Variants in HTR1D observed in about 807,000 individuals in gnomAD.
The protein encoded by HTR1D is 5-HT-1D.
Under a neutral mutation model 21.1 loss-of-function variants are expected in HTR1D, and 18 were observed. The observed-to-expected ratio is 0.85, with a 90% CI of 0.59 to 1.27. The LOEUF (loss-of-function observed/expected upper bound fraction) is 1.27, where lower values mean the gene tolerates loss of function less well. Among genes scored for constraint, HTR1D ranks in the 50% most tolerant of loss-of-function variants. The pLI is 0.00. For synonymous variants in HTR1D, 196 were observed against 204.4 expected (o/e 0.96, Z 0.35); for missense variants, 456 against 481.4 (o/e 0.95, Z 0.49).
At chr1:23,216,948 C>A (rs1004968731) in intron 1 of HTR1D, among the ~76,000 whole-genome samples, 9 of 152,072 alleles carry the variant, frequency 5.9e-5, no homozygotes, top group African/African-American at 2.2e-4. Context: ...GCGCCCGGGG[C>A]CCCTCGGGGG....
chr1:23,216,871 AG>A (rs1644775389), intron 1 of HTR1D, among the ~76,000 whole-genome samples: 1 of 152,042 alleles, frequency 6.6e-6, no homozygotes, highest in African/African-American at 2.4e-5. Flanking sequence ...CTCTCCAGAG[AG>A]GGGAGGCCCC....
rs571832755 is a variant in HTR1D at position 23,204,190 on chromosome 1, A to G, written c.-782-9189T>C. Among the ~76,000 whole-genome samples, 14 of 152,014 alleles carry G rather than the reference A, an allele frequency of 9.2e-5. No individual in the cohort carries two copies. In the South Asian group the frequency reaches 2.9e-3, roughly 32 times the overall value. On this transcript the variant is annotated intron_variant, in intron 1 of 1. Coordinates refer to ENST00000374619, the MANE Select transcript of HTR1D (RefSeq NM_000864.5). The stretch of plus-strand genomic sequence containing the variant: ...ACCCAGGCTGGAGTGCAGTGGCACA[A>G]TCTCGGCTCACTGCAAGCTCCGCCT...
intron 1 of HTR1D, among the ~76,000 whole-genome samples, chr1:23,216,321 A>T (rs1198584473): frequency 2.0e-5 from 3 of 152,248 alleles, no homozygotes; most frequent in Admixed American, 1.3e-4. Flanking sequence ...GGCTGTGCTG[A>T]GTGACAATCC....
rs1259807891 is a variant in HTR1D, at chr1:23,193,005, A to G, written c.*81T>C. 5.8e-6 allele frequency: 5 copies of G among 859,304 alleles called. No homozygotes were observed. The highest frequency in any genetic ancestry group is 8.5e-6 in the Non-Finnish European group (5 of 587,860). 53.2% of individuals were successfully genotyped at this position (859,304 alleles called of 1,614,324 possible). On this transcript the variant is annotated 3_prime_UTR_variant, in exon 2 of 2. Coordinates refer to ENST00000374619, the MANE Select transcript of HTR1D (RefSeq NM_000864.5). Reference sequence around the variant, plus strand: ...GATACCATGAATTAATCCAAGTCTCAGAAAATAATTAAAAAAAAAAAAGAC... The same window carrying G: ...GATACCATGAATTAATCCAAGTCTCGGAAAATAATTAAAAAAAAAAAAGAC...
chr1:23,210,549 C>G (rs1017538274), intron 1 of HTR1D, among the ~76,000 whole-genome samples: 2 of 152,056 alleles, frequency 1.3e-5, no homozygotes, highest in Non-Finnish European at 2.9e-5. Flanking sequence ...GAATTGGGCT[C>G]AGAGAGGGCA....
At chr1:23,198,288 C>T (rs1644697266) in intron 1 of HTR1D, among the ~76,000 whole-genome samples, 1 of 147,984 alleles carries the variant, frequency 6.8e-6, no homozygotes, top group South Asian at 2.1e-4. Context: ...ATGGCGTGAA[C>T]CCAGGAGGCG....
intron 1 of HTR1D, among the ~76,000 whole-genome samples, chr1:23,198,520 C>T (rs2148239358): frequency 6.6e-6 from 1 of 152,288 alleles, no homozygotes; most frequent in Admixed American, 6.5e-5. Context: ...GCTGGGTATG[C>T]ATGGCAGAGA....
intron 1 of HTR1D, among the ~76,000 whole-genome samples, chr1:23,203,791 T>C (rs930565532): frequency 9.2e-5 from 14 of 152,192 alleles, no homozygotes; most frequent in African/African-American, 3.1e-4. Flanking sequence ...CATGCAAGAA[T>C]TGTTCACAGC....
rs115291055 is a variant in HTR1D, at chr1:23,203,826, T to C, written c.-782-8825A>G. Among the ~76,000 whole-genome samples, 584 of 152,106 alleles carry C rather than the reference T, an allele frequency of 3.8e-3. 7 individuals carry two copies. The highest frequency in any genetic ancestry group is 0.013 in the African/African-American group (543 of 41,492). On this transcript the variant is annotated intron_variant, in intron 1 of 1. Transcript: ENST00000374619. Reference sequence around the variant, plus strand: ...CAGCACTATTCATAACAACCCCAAATTGCAAACTACCTAAACAAACATCTA... The same window carrying C: ...CAGCACTATTCATAACAACCCCAAACTGCAAACTACCTAAACAAACATCTA...
At chr1:23,210,870 T>C (rs1025044104) in intron 1 of HTR1D, among the ~76,000 whole-genome samples, 2 of 152,098 alleles carry the variant, frequency 1.3e-5, no homozygotes, top group African/African-American at 2.4e-5. Flanking sequence ...CTCCCCCAGA[T>C]GCTGCACACC....
In HTR1D at chr1:23,194,279, T is replaced by C; in HGVS notation, c.-60A>G. 6.7e-7 allele frequency: 1 copy of C among 1,493,316 alleles called. No homozygotes were observed. The highest frequency in any genetic ancestry group is 1.3e-5 in the South Asian group (1 of 78,270). 92.5% of individuals were successfully genotyped at this position (1,493,316 alleles called of 1,614,324 possible). On this transcript the variant is annotated 5_prime_UTR_variant, in exon 2 of 2. Coordinates refer to ENST00000374619, the MANE Select transcript of HTR1D (RefSeq NM_000864.5). ...CATTTGGCTCCTTCCTTCAAGGTTG[T>C]CCTGACAACAGAGCAAAGTCATCCT... is the stretch of plus-strand genomic sequence containing the variant.
At chr1:23,197,800 G>A (rs956123568) in intron 1 of HTR1D, among the ~76,000 whole-genome samples, 17 of 152,090 alleles carry the variant, frequency 1.1e-4, no homozygotes, top group Admixed American at 1.3e-4. Flanking sequence ...ACTTTGGGAG[G>A]CCCAGGTGGG....
intron 1 of HTR1D, among the ~76,000 whole-genome samples, chr1:23,214,356 G>T (rs527740530): frequency 2.6e-5 from 4 of 152,248 alleles, no homozygotes; most frequent in African/African-American, 9.6e-5. Context: ...GAGCCCAAAA[G>T]GTGGAAGTTG....
chr1:23,204,288 G>A (rs190758377), intron 1 of HTR1D, among the ~76,000 whole-genome samples: 12 of 152,236 alleles, frequency 7.9e-5, no homozygotes, highest in African/African-American at 2.6e-4. Flanking sequence ...ACCACGCCTG[G>A]ATAATTTTTG....
rs143216598 is a variant in HTR1D at position 23,193,932 on chromosome 1, G to A, written c.288C>T (p.Ile96=). The change falls in exon 2 of 2, where the codon ATC becomes ATT. Residue 96 remains isoleucine (I), a synonymous_variant. Coordinates refer to ENST00000374619, the MANE Select transcript of HTR1D (RefSeq NM_000864.5). The part of the protein sequence containing the change: ...LVSILVMPIS[I]AYTITHTWNF... ...TCCAGGTGTGGGTGATGGTATAGGCGATGCTGATGGGCATTACCAAGATGG... is the reference window on the plus strand; with the variant it reads ...TCCAGGTGTGGGTGATGGTATAGGCAATGCTGATGGGCATTACCAAGATGG... 1.1e-4 allele frequency: 178 copies of A among 1,614,108 alleles called. No individual in the cohort carries two copies. The highest frequency in any genetic ancestry group is 1.4e-4 in the Non-Finnish European group (166 of 1,180,056).
chr1:23,193,064 C>T lies in HTR1D; in HGVS notation c.*22G>A, dbSNP rs1003888281. Reference sequence around the variant, plus strand: ...TGAGGTTACAGGACACAAAAGATAACAAGAGTCATCACCGAATAAGACTAG... The same window carrying T: ...TGAGGTTACAGGACACAAAAGATAATAAGAGTCATCACCGAATAAGACTAG... On this transcript the variant is annotated 3_prime_UTR_variant, in exon 2 of 2. Coordinates refer to ENST00000374619, the MANE Select transcript of HTR1D (RefSeq NM_000864.5). 1 of 1,524,012 alleles carries T rather than the reference C, an allele frequency of 6.6e-7. No homozygotes were observed. The highest frequency in any genetic ancestry group is 1.4e-5 in the African/African-American group (1 of 70,980). 94.4% of individuals were successfully genotyped at this position (1,524,012 alleles called of 1,614,324 possible).
intron 1 of HTR1D, among the ~76,000 whole-genome samples, chr1:23,213,359 A>T (rs1350711933): frequency 6.6e-6 from 1 of 152,200 alleles, no homozygotes; most frequent in Non-Finnish European, 1.5e-5. Flanking sequence ...GTGCGCCTAT[A>T]GTCCCAGCTA....
chr1:23,193,852 G>A lies in HTR1D; in HGVS notation c.368C>T (p.Thr123Ile). Residue 123 changes from threonine (T) to isoleucine (I), a missense_variant, in exon 2 of 2, where the codon ACA becomes ATA. Physicochemically the swap from Thr to Ile is moderately conservative, Grantham distance 89 (BLOSUM62 -1). Coordinates refer to ENST00000374619, the MANE Select transcript of HTR1D (RefSeq NM_000864.5). ...IWLSSDITCCTASILHLCVIA... is the reference protein window; with the variant it reads ...IWLSSDITCCIASILHLCVIA... ...GACACAGAGATGCAGGATGGAGGCT[G>A]TGCAGCACGTGATGTCAGAGGACAG... 6.2e-7 allele frequency: 1 copy of A among 1,614,262 alleles called. No individual in the cohort carries two copies. Among genetic ancestry groups the A allele is most frequent in the Non-Finnish European group, 8.5e-7 (1 of 1,180,058 alleles).
intron 1 of HTR1D, among the ~76,000 whole-genome samples, chr1:23,202,382 C>G (rs762417125): frequency 2.0e-5 from 3 of 152,150 alleles, no homozygotes; most frequent in Non-Finnish European, 4.4e-5. Context: ...CATGAGCCAC[C>G]GCACCTGGCC....
Sources: gnomAD v4.1 joint callset for allele counts (sites outside exome capture counted in the v4.1 genomes callset) on GRCh38, gnomAD v4.1.1 for gene constraint, MANE v1.5 for transcripts, NCBI Gene and HGNC (gene_info 2026-07-23, HGNC 2026-07-21) for gene names.